The following CTSB variants were observed in gnomAD, a reference collection of about 807,000 sequenced individuals.
The protein encoded by CTSB is APP secretase.
Under a neutral mutation model 44.3 loss-of-function variants are expected in CTSB, and 57 were observed. The observed-to-expected ratio is 1.29, with a 90% CI of 1.04 to 1.60. The LOEUF is 1.60. Ranked by LOEUF, CTSB falls within the 40% of genes most tolerant of loss-of-function variation. CTSB has a pLI of 0.00. For missense variants in CTSB, 768 were observed against 443.0 expected (o/e 1.73, Z -6.59); for synonymous variants, 320 against 168.0 (o/e 1.91, Z -7.00).
At chr8:11,848,533 C>T (rs964895070) in intron 5 of CTSB, 6 of 371,186 alleles carry the variant, frequency 1.6e-5, no homozygotes, top group Non-Finnish European at 3.2e-5. Context: ...CCAGTGATTC[C>T]CATTTAACTA....
At position 11,845,789 on chromosome 8, in the gene CTSB, C is replaced by A. The variant is rs1349448797; in HGVS notation, c.794G>T (p.Gly265Val). The A allele has an allele frequency of 6.2e-7, 1 of 1,611,844 alleles. No individual in the cohort carries two copies. The highest frequency in any genetic ancestry group is 8.5e-7 in the Non-Finnish European group (1 of 1,178,536). ...VYSDFLLYKS[G>V]VYQHVTGEMM... is the part of the protein sequence containing the mutation. ...CTCTCCGGTGACGTGTTGGTACACT[C>A]CTGAAAAGGGAAGAACTGGCTGAGA... is the stretch of plus-strand genomic sequence containing the variant. The change falls in exon 9 of 10, where the codon GGA (glycine) becomes GTA (valine). Residue 265 changes from glycine to valine, a missense_variant and splice_region_variant. Gly to Val is a moderately radical substitution (Grantham distance 109, BLOSUM62 -3). Transcript: ENST00000353047.
rs1195537276 is a variant in CTSB, at chr8:11,842,967, G to C, written c.*2158C>G. ...TTTTTTTTTTTTTTTTTTAATTATT[G>C]AGACGGAGCCTTGCGCTGTCACCGA... On this transcript the variant is annotated 3_prime_UTR_variant, in exon 10 of 10. Transcript: ENST00000353047. The C allele has an allele frequency of 2.0e-5, 2 of 99,390 alleles. No homozygotes were observed. The highest frequency in any genetic ancestry group is 4.6e-5 in the African/African-American group (1 of 21,962). The allele number at this position is 99,390 out of a possible 1,614,324, so 6.2% of individuals were successfully genotyped here.
chr8:11,855,104 C>CCT (rs1815293649), intron 1 of CTSB, among the ~76,000 whole-genome samples: 5 of 152,176 alleles, frequency 3.3e-5, no homozygotes, highest in Non-Finnish European at 7.3e-5. Context: ...CTCACTGCAA[C>CCT]CTCTGCCTCC....
intron 1 of CTSB, among the ~76,000 whole-genome samples, chr8:11,867,052 G>T (rs1817256275): frequency 6.6e-6 from 1 of 152,202 alleles, no homozygotes; most frequent in Admixed American, 6.5e-5. Flanking sequence ...GAGGAGGAGT[G>T]TGGGGCCTGC....
chr8:11,854,118 C>T (rs898865813), intron 1 of CTSB, among the ~76,000 whole-genome samples: 1 of 152,222 alleles, frequency 6.6e-6, no homozygotes, highest in African/African-American at 2.4e-5. Flanking sequence ...CTTGCACTGG[C>T]TCATGAGTCA....
At chr8:11,849,772 G>A (rs1407949358) in intron 4 of CTSB, among the ~76,000 whole-genome samples, 1 of 151,990 alleles carries the variant, frequency 6.6e-6, no homozygotes. Flanking sequence ...GTAGAGACAG[G>A]GTTTCACCAT....
intron 3 of CTSB, 23 bp from the exon 4 acceptor site, chr8:11,851,003 T>C: frequency 1.3e-6 from 2 of 1,566,668 alleles, no homozygotes; most frequent in East Asian, 2.3e-5. Flanking sequence ...AGGTCTTCAT[T>C]ACAAGCTCTG....
intron 3 of CTSB, 79 bp downstream of exon 3, chr8:11,852,531 C>T (rs1369005266): frequency 1.7e-6 from 2 of 1,203,302 alleles, no homozygotes; most frequent in African/African-American, 1.5e-5. Context: ...CCAGAGAGGC[C>T]TTCACTCTCC....
chr8:11,862,745 A>G (rs1392130266), intron 1 of CTSB, among the ~76,000 whole-genome samples: 1 of 152,250 alleles, frequency 6.6e-6, no homozygotes, highest in Non-Finnish European at 1.5e-5. Flanking sequence ...GTGTGTGCAC[A>G]TTCTGCCAGA....
intron 1 of CTSB, among the ~76,000 whole-genome samples, chr8:11,865,298 G>A (rs1434413134): frequency 1.3e-5 from 2 of 152,216 alleles, no homozygotes; most frequent in South Asian, 2.1e-4. Flanking sequence ...TAATCCCAGC[G>A]CTTTGGGAGG....
intron 1 of CTSB, among the ~76,000 whole-genome samples, chr8:11,862,136 G>C (rs558836157): frequency 6.6e-6 from 1 of 152,012 alleles, no homozygotes; most frequent in South Asian, 2.1e-4. Context: ...GAACCCGGGA[G>C]GCGGAGTTTG....
intron 1 of CTSB, among the ~76,000 whole-genome samples, chr8:11,866,332 G>A (rs769119390): frequency 1.3e-5 from 2 of 152,236 alleles, no homozygotes; most frequent in Non-Finnish European, 2.9e-5. Flanking sequence ...AAACAGGGCT[G>A]TCCTGAGCCA....
intron 1 of CTSB, among the ~76,000 whole-genome samples, chr8:11,864,095 G>A (rs1006341103): frequency 3.3e-5 from 5 of 151,918 alleles, no homozygotes; most frequent in Non-Finnish European, 5.9e-5. Flanking sequence ...TCTCACAACC[G>A]TGAGTGAAAA....
rs148096757 is a variant in CTSB at position 11,858,201 on chromosome 8, C to T, written c.-25-4722G>A. ...CTCGCTCCAGCGGGCTCTGTTCCCTCCCTCTCTCCTCTAACACTTCTAGCT... is the reference window on the plus strand; with the variant it reads ...CTCGCTCCAGCGGGCTCTGTTCCCTTCCTCTCTCCTCTAACACTTCTAGCT... On this transcript the variant is annotated intron_variant, in intron 1 of 9. Transcript: ENST00000353047. Among the ~76,000 whole-genome samples, 1,496 of 152,350 alleles carry T rather than the reference C, an allele frequency of 9.8e-3. 13 individuals are homozygous for T. The highest frequency in any genetic ancestry group is 0.014 in the Non-Finnish European group (933 of 68,038).
At chr8:11,852,722 A>C (rs779915336) in intron 2 of CTSB, 27 bp from the exon 3 acceptor site, 1 of 1,606,994 alleles carries the variant, frequency 6.2e-7, no homozygotes, top group Admixed American at 1.7e-5. Context: ...CACTGACTGA[A>C]GGGTCTCCCG....
intron 4 of CTSB, chr8:11,850,582 T>A (rs1814404840): frequency 3.4e-6 from 1 of 294,194 alleles, no homozygotes; most frequent in Non-Finnish European, 6.5e-6. Context: ...CAGTGAGAGC[T>A]CCTGGTATTT....
At chr8:11,847,640 G>C in intron 7 of CTSB, 39 bp downstream of exon 7, 3 of 1,501,140 alleles carry the variant, frequency 2.0e-6, no homozygotes, top group East Asian at 2.4e-5. Flanking sequence ...CAGCTCCCCA[G>C]CCTCCACGTG....
chr8:11,849,771 G>T (rs530277580), intron 4 of CTSB, among the ~76,000 whole-genome samples: 96 of 152,050 alleles, frequency 6.3e-4, no homozygotes, highest in Non-Finnish European at 9.7e-4. Context: ...AGTAGAGACA[G>T]GGTTTCACCA....
In CTSB at chr8:11,848,084, A is replaced by C; in HGVS notation, c.515T>G (p.Leu172Arg). Reference sequence around the variant, plus strand: ...ACACTTACCTACATGGGATTCATAGAGGCCACCAGAAACCAGGCCTTTTCT... The same window carrying C: ...ACACTTACCTACATGGGATTCATAGCGGCCACCAGAAACCAGGCCTTTTCT... ...WTRKGLVSGG[L>R]YESHVGCRPY... Residue 172 changes from leucine (L) to arginine (R), a missense_variant, in exon 6 of 10, where the codon CTC (leucine) becomes CGC (arginine). By Grantham distance (102) the Leu-to-Arg change is moderately radical. Coordinates refer to ENST00000353047, the MANE Select transcript of CTSB (RefSeq NM_001908.5). 1.2e-6 allele frequency: 2 copies of C among 1,613,606 alleles called. No homozygotes were observed. The highest frequency in any genetic ancestry group is 1.7e-6 in the Non-Finnish European group (2 of 1,179,682).
Sources: gnomAD v4.1 joint callset for allele counts (sites outside exome capture counted in the v4.1 genomes callset) on GRCh38, gnomAD v4.1.1 for gene constraint, MANE v1.5 for transcripts, NCBI Gene and HGNC (gene_info 2026-07-23, HGNC 2026-07-21) for gene names.